BRINP2: variants seen among roughly 807,000 people sequenced by gnomAD.
BRINP2 encodes the protein BMP/retinoic acid-inducible neural-specific protein 2.
In BRINP2, 21 loss-of-function variants were observed where a neutral mutation model predicts 69.2. The observed-to-expected ratio is 0.30, with a 90% CI of 0.22 to 0.44. The LOEUF (loss-of-function observed/expected upper bound fraction) is 0.44, where lower values mean the gene tolerates loss of function less well. BRINP2 is among the 20% of genes least tolerant of loss of function. The pLI is 1.00. For synonymous variants in BRINP2, 380 were observed against 394.1 expected, an observed-to-expected ratio of 0.96 and a Z score of 0.42; for missense variants, 877 against 986.0, an observed-to-expected ratio of 0.89 and a Z score of 1.48.
At chr1:177,222,514 G>T (rs1270531926) in intron 1 of BRINP2, among the ~76,000 whole-genome samples, 1 of 151,922 alleles carries the variant, frequency 6.6e-6, no homozygotes, top group African/African-American at 2.4e-5. Context: ...GTTTCACCAG[G>T]TTGGCCAGGC....
chr1:177,200,293 C>CA (rs35619503), intron 1 of BRINP2, among the ~76,000 whole-genome samples: 2,173 of 34,760 alleles, frequency 0.063, 474 homozygotes, highest in Middle Eastern at 0.2. Flanking sequence ...AACTCTGTCT[C>CA]AAAAAAAAAA....
intron 3 of BRINP2, chr1:177,256,319 G>A: frequency 1.0e-6 from 1 of 985,410 alleles, no homozygotes; most frequent in Non-Finnish European, 1.2e-6. Flanking sequence ...AGGAGGGGAA[G>A]TTGGGTATGG....
intron 1 of BRINP2, among the ~76,000 whole-genome samples, chr1:177,217,394 T>C (rs12759893): frequency 0.19 from 29,206 of 152,196 alleles, 3,145 homozygotes; most frequent in Non-Finnish European, 0.24. Context: ...CCTGTTTGTG[T>C]ATTATCTTCG....
chr1:177,194,456 G>T (rs901115255), intron 1 of BRINP2, among the ~76,000 whole-genome samples: 2 of 152,030 alleles, frequency 1.3e-5, no homozygotes, highest in Non-Finnish European at 2.9e-5. Flanking sequence ...GCTCTATCTT[G>T]GACTCTGCCT....
At chr1:177,177,592 T>C (rs1217231195) in intron 1 of BRINP2, among the ~76,000 whole-genome samples, 1 of 152,162 alleles carries the variant, frequency 6.6e-6, no homozygotes, top group Non-Finnish European at 1.5e-5. Flanking sequence ...ATTACCTTTA[T>C]TACTGTATTT....
intron 4 of BRINP2, among the ~76,000 whole-genome samples, chr1:177,271,731 T>A (rs1651334207): frequency 6.6e-6 from 1 of 152,186 alleles, no homozygotes; most frequent in Admixed American, 6.5e-5. Context: ...TCTGTGTCTA[T>A]TGCTACCCCT....
chr1:177,281,257 C>T lies in BRINP2; in HGVS notation c.2081C>T (p.Pro694Leu). The change falls in exon 8 of 8, where the codon CCA (proline) becomes CTA (leucine). Residue 694 changes from proline to leucine, a missense_variant. Pro to Leu is a moderately conservative substitution (Grantham distance 98, BLOSUM62 -3). Coordinates refer to ENST00000361539, the MANE Select transcript of BRINP2 (RefSeq NM_021165.4). The part of the protein sequence containing the change: ...QVFGYSLPFD[P>L]DAIRDLILQL... ...TTTGGCTACAGCCTGCCCTTTGACC[C>T]AGATGCTATCCGGGACTTAATTCTC... 1 of 1,614,168 alleles carries T rather than the reference C, an allele frequency of 6.2e-7. No homozygotes were observed. The highest frequency in any genetic ancestry group is 1.1e-5 in the South Asian group (1 of 91,078).
chr1:177,218,162 C>T (rs963371660), intron 1 of BRINP2, among the ~76,000 whole-genome samples: 1 of 152,144 alleles, frequency 6.6e-6, no homozygotes, highest in African/African-American at 2.4e-5. Context: ...TCTCCTTGGG[C>T]AGAGTCTAGG....
chr1:177,269,115 G>A (rs1162854222), intron 4 of BRINP2, among the ~76,000 whole-genome samples: 2 of 152,224 alleles, frequency 1.3e-5, no homozygotes, highest in Admixed American at 6.5e-5. Context: ...TGCAGCCCCC[G>A]GATTTCCTTT....
intron 1 of BRINP2, among the ~76,000 whole-genome samples, chr1:177,202,811 A>C (rs1385278517): frequency 2.0e-5 from 3 of 152,194 alleles, no homozygotes; most frequent in African/African-American, 7.2e-5. Flanking sequence ...GGCGATCATT[A>C]AAAAGTCAGG....
At chr1:177,190,654 C>T (rs1571888394) in intron 1 of BRINP2, among the ~76,000 whole-genome samples, 1 of 152,216 alleles carries the variant, frequency 6.6e-6, no homozygotes, top group Admixed American at 6.5e-5. Flanking sequence ...CACTAATGGA[C>T]CTTAGTTTCA....
At chr1:177,207,215 C>T (rs1248596068) in intron 1 of BRINP2, among the ~76,000 whole-genome samples, 1 of 152,080 alleles carries the variant, frequency 6.6e-6, no homozygotes, top group African/African-American at 2.4e-5. Flanking sequence ...CCTTTGTATC[C>T]TGCTGCAAAT....
chr1:177,267,403 C>T (rs535400565), intron 4 of BRINP2, among the ~76,000 whole-genome samples: 15 of 152,324 alleles, frequency 9.8e-5, no homozygotes, highest in South Asian at 4.1e-4. Context: ...TTCTGTACCT[C>T]GATGACTTCA....
At chr1:177,224,110 C>T (rs866748003) in intron 1 of BRINP2, among the ~76,000 whole-genome samples, 13 of 152,208 alleles carry the variant, frequency 8.5e-5, no homozygotes, top group South Asian at 4.1e-4. Context: ...TCTCTCCTAT[C>T]TACCCTCCCT....
rs377651978 is a variant in BRINP2 at position 177,194,225 on chromosome 1, C to T, written c.-77+22493C>T. On this transcript the variant is annotated intron_variant, in intron 1 of 7. Transcript: ENST00000361539. ...GAGGCTTTTTGTTTTCTGTTTTTCT[C>T]ACTAACATTTTTAAAGCAACTTGTA... Among the ~76,000 whole-genome samples the T allele has an allele frequency of 2.4e-4, 37 of 152,286 alleles. No individual in the cohort carries two copies. The South Asian group carries it at 7.5e-3, about 31-fold the overall frequency.
chr1:177,188,139 T>A (rs1648483843), intron 1 of BRINP2, among the ~76,000 whole-genome samples: 1 of 152,228 alleles, frequency 6.6e-6, no homozygotes, highest in Admixed American at 6.5e-5. Context: ...TATTGTTATC[T>A]TTCTAGTTAG....
chr1:177,203,636 G>T (rs1256559231), intron 1 of BRINP2, among the ~76,000 whole-genome samples: 1 of 152,136 alleles, frequency 6.6e-6, no homozygotes, highest in Non-Finnish European at 1.5e-5. Flanking sequence ...CTGGTATGAA[G>T]TGGGGACCAA....
chr1:177,224,329 G>C (rs911198240), intron 1 of BRINP2, among the ~76,000 whole-genome samples: 3 of 152,260 alleles, frequency 2.0e-5, no homozygotes, highest in Non-Finnish European at 4.4e-5. Flanking sequence ...CACTGCTCCA[G>C]CAGGCAAAAA....
chr1:177,175,896 G>A (rs1431143431), intron 1 of BRINP2, among the ~76,000 whole-genome samples: 2 of 152,182 alleles, frequency 1.3e-5, no homozygotes, highest in African/African-American at 4.8e-5. Flanking sequence ...TGGGGGCTGA[G>A]GTAGAGATCT....
Sources: allele counts gnomAD v4.1 joint callset (sites outside exome capture counted in the v4.1 genomes callset), GRCh38; gene constraint gnomAD v4.1.1; transcripts MANE v1.5; gene names NCBI Gene and HGNC (gene_info 2026-07-23, HGNC 2026-07-21).